The following PIP5K1B variants were observed in gnomAD, a reference collection of about 807,000 sequenced individuals.
PIP5K1B encodes phosphatidylinositol-4-phosphate 5-kinase type 1 beta, also known as phosphatidylinositol 4-phosphate 5-kinase type-1 beta.
A neutral mutation model predicts 67.0 loss-of-function variants in PIP5K1B; 42 were observed. That is an observed-to-expected ratio of 0.63 (90% CI 0.49 to 0.81). The LOEUF is 0.81. Among genes scored for constraint, PIP5K1B ranks in the 30% least tolerant of loss-of-function variants. The pLI, the probability that PIP5K1B is intolerant of heterozygous loss-of-function variation, is 0.00. For missense variants in PIP5K1B, 459 were observed against 646.3 expected (o/e 0.71, Z 3.14); for synonymous variants, 214 against 231.4 (o/e 0.92, Z 0.68).
At chr9:68,949,816 G>T (rs747505448) in intron 14 of PIP5K1B, among the ~76,000 whole-genome samples, 28 of 152,222 alleles carry the variant, frequency 1.8e-4, no homozygotes, top group Non-Finnish European at 3.1e-4. Context: ...AAGGAAAGTG[G>T]CGTGCAGAAA....
chr9:68,940,044 G>GA lies in PIP5K1B; in HGVS notation c.1358-596dup, dbSNP rs553760400. ...ATTTCATGGGCCCCTAAGTTTTAAA[G>GA]AAAAAATAAGTGTTTTCTCATTTTT... On this transcript the variant is annotated intron_variant, in intron 13 of 15. Coordinates refer to ENST00000265382, the MANE Select transcript of PIP5K1B (RefSeq NM_003558.4). Among the ~76,000 whole-genome samples the GA allele has an allele frequency of 1.1e-4, 16 of 152,180 alleles. No homozygotes were observed. The East Asian group carries it at 2.9e-3, about 28-fold the overall frequency.
chr9:68,970,583 T>C (rs1439124380), intron 14 of PIP5K1B, among the ~76,000 whole-genome samples: 1 of 152,252 alleles, frequency 6.6e-6, no homozygotes, highest in Non-Finnish European at 1.5e-5. Context: ...ATTCCCTCAC[T>C]ATATATCGTA....
intron 15 of PIP5K1B, among the ~76,000 whole-genome samples, chr9:69,002,747 C>T (rs1830879026): frequency 6.6e-6 from 1 of 152,128 alleles, no homozygotes; most frequent in African/African-American, 2.4e-5. Flanking sequence ...CTTTAGGAGG[C>T]CGAGAGGGGC....
chr9:68,718,609 C>T (rs1827739149), intron 1 of PIP5K1B, among the ~76,000 whole-genome samples: 1 of 152,180 alleles, frequency 6.6e-6, no homozygotes, highest in Non-Finnish European at 1.5e-5. Context: ...ATTGCTTGCT[C>T]CTTTAACTGC....
chr9:68,880,636 C>A (rs77487320), intron 6 of PIP5K1B, among the ~76,000 whole-genome samples: 2,711 of 147,960 alleles, frequency 0.018, 78 homozygotes, highest in African/African-American at 0.061. Flanking sequence ...CACACACACA[C>A]AAAATAGAGG....
intron 15 of PIP5K1B, among the ~76,000 whole-genome samples, chr9:69,006,546 T>G (rs1831089861): frequency 6.6e-6 from 1 of 152,330 alleles, no homozygotes; most frequent in Admixed American, 6.5e-5. Context: ...TAAGCCTTTC[T>G]TCCCTGAGGC....
At chr9:68,859,221 C>T (rs1449146429) in intron 4 of PIP5K1B, among the ~76,000 whole-genome samples, 1 of 152,322 alleles carries the variant, frequency 6.6e-6, no homozygotes, top group East Asian at 1.9e-4. Flanking sequence ...AAAGACAGTG[C>T]TTTGAAAACC....
intron 15 of PIP5K1B, 137 bp from the exon 16 acceptor site, chr9:69,008,310 A>T (rs1831179535): frequency 1.3e-6 from 1 of 770,524 alleles, no homozygotes; most frequent in Non-Finnish European, 2.4e-6. Context: ...ATTGCAGAAG[A>T]ATCCCAAACA....
intron 2 of PIP5K1B, among the ~76,000 whole-genome samples, chr9:68,812,660 G>C (rs1015630922): frequency 6.6e-6 from 1 of 152,208 alleles, no homozygotes; most frequent in African/African-American, 2.4e-5. Flanking sequence ...CCAGGCTCTT[G>C]CCAGAGACTA....
chr9:68,925,795 A>ATTTTTTTTGTTTTTTTTTTTTTTTTT (rs1826661226), intron 12 of PIP5K1B, among the ~76,000 whole-genome samples: 1 of 73,296 alleles, frequency 1.4e-5, no homozygotes, highest in African/African-American at 5.7e-5. Flanking sequence ...TGTGGTTCCA[A>ATTTTTTTTGTTTTTTTTTTTTTTTTT]TTTTTTTTTT....
At chr9:68,937,855 A>G (rs1011430515) in intron 13 of PIP5K1B, among the ~76,000 whole-genome samples, 1 of 152,048 alleles carries the variant, frequency 6.6e-6, no homozygotes, top group Non-Finnish European at 1.5e-5. Context: ...TCATTTTGTT[A>G]TTTACCCGGT....
intron 13 of PIP5K1B, among the ~76,000 whole-genome samples, chr9:68,935,691 A>G (rs1827228873): frequency 6.6e-6 from 1 of 152,218 alleles, no homozygotes; most frequent in Non-Finnish European, 1.5e-5. Flanking sequence ...CATATGCACG[A>G]GTACACATAC....
chr9:68,873,443 A>G (rs1278879010), intron 5 of PIP5K1B, among the ~76,000 whole-genome samples: 1 of 151,776 alleles, frequency 6.6e-6, no homozygotes, highest in Non-Finnish European at 1.5e-5. Flanking sequence ...GTGCACCACC[A>G]TGCCCAGCAA....
chr9:68,788,821 A>G, intron 2 of PIP5K1B: 1 of 242,464 alleles, frequency 4.1e-6, no homozygotes, highest in Non-Finnish European at 8.5e-6. Flanking sequence ...CTACTGTCTC[A>G]GAAACTGATA....
intron 14 of PIP5K1B, among the ~76,000 whole-genome samples, chr9:68,972,255 A>G (rs1436735917): frequency 2.0e-5 from 3 of 152,100 alleles, no homozygotes; most frequent in Non-Finnish European, 4.4e-5. Flanking sequence ...TCCTTTCTTC[A>G]TTGCTTGTTT....
chr9:68,730,775 G>A (rs1267048107), intron 1 of PIP5K1B, among the ~76,000 whole-genome samples: 10 of 152,320 alleles, frequency 6.6e-5, no homozygotes, highest in Middle Eastern at 3.4e-3. Context: ...GATTCATTGA[G>A]TCCTTAAAAT....
chr9:68,819,249 C>T (rs1466763053), intron 3 of PIP5K1B, among the ~76,000 whole-genome samples: 1 of 152,042 alleles, frequency 6.6e-6, no homozygotes, highest in Non-Finnish European at 1.5e-5. Flanking sequence ...TACTCAAGTC[C>T]CTTATCTAAA....
intron 12 of PIP5K1B, among the ~76,000 whole-genome samples, chr9:68,927,462 A>G (rs919538432): frequency 2.6e-5 from 4 of 152,162 alleles, no homozygotes; most frequent in African/African-American, 9.7e-5. Flanking sequence ...TCTTTTGGCT[A>G]TCCTGGTAGG....
chr9:68,866,740 G>C (rs1485114922), intron 5 of PIP5K1B, among the ~76,000 whole-genome samples: 3 of 152,142 alleles, frequency 2.0e-5, no homozygotes, highest in Non-Finnish European at 1.5e-5. Flanking sequence ...GAGGAAGGTG[G>C]GGGCTGGTGA....
Sources: allele counts gnomAD v4.1 joint callset (sites outside exome capture counted in the v4.1 genomes callset), GRCh38; gene constraint gnomAD v4.1.1; transcripts MANE v1.5; gene names NCBI Gene and HGNC (gene_info 2026-07-23, HGNC 2026-07-21).